The following PLCE1 variants were observed in gnomAD, a reference collection of about 807,000 sequenced individuals.
The protein encoded by PLCE1 is 1-phosphatidylinositol 4,5-bisphosphate phosphodiesterase epsilon-1.
Under a neutral mutation model 242.8 loss-of-function variants are expected in PLCE1, and 119 were observed. The ratio of observed to expected loss-of-function variants is 0.49; its 90% CI spans 0.42 to 0.57. PLCE1 has a LOEUF of 0.57. PLCE1 is among the 20% of genes least tolerant of loss of function. The pLI, the probability that PLCE1 is intolerant of heterozygous loss-of-function variation, is 0.00. For synonymous variants in PLCE1, 945 were observed against 1,017.4 expected (o/e 0.93, Z 1.35); for missense variants, 2,441 against 2,788.8 (o/e 0.88, Z 2.81).
At position 94,298,722 on chromosome 10, in the gene PLCE1, T is replaced by A; in HGVS notation, c.5458+53T>A. 1.3e-6 allele frequency: 2 copies of A among 1,599,048 alleles called. No homozygotes were observed. Among genetic ancestry groups the A allele is most frequent in the Non-Finnish European group, 1.7e-6 (2 of 1,166,792 alleles). On this transcript the variant is annotated intron_variant, in intron 24 of 32. Coordinates refer to ENST00000371380, the MANE Select transcript of PLCE1 (RefSeq NM_016341.4). The surrounding 1 kb of genome is among the most constrained non-coding windows in gnomAD (Gnocchi z 5.2). The stretch of plus-strand genomic sequence containing the variant: ...CCTTTGCATCTTACATTTCAGTAAA[T>A]GCAGTTTGACAGCATTTTTTCAAAG...
intron 3 of PLCE1, among the ~76,000 whole-genome samples, chr10:94,136,005 A>G (rs1485789383): frequency 6.6e-6 from 1 of 152,230 alleles, no homozygotes; most frequent in Admixed American, 6.5e-5. Context: ...GGAAGGAGGT[A>G]GCACAAGATT....
chr10:94,197,929 G>C (rs571889039), intron 4 of PLCE1, among the ~76,000 whole-genome samples: 141 of 128,926 alleles, frequency 1.1e-3, no homozygotes, highest in Non-Finnish European at 1.8e-3. Context: ...GTTGCAGTGA[G>C]CCAAGATTGC....
intron 5 of PLCE1, among the ~76,000 whole-genome samples, chr10:94,232,109 C>A (rs551213783): frequency 6.6e-6 from 1 of 152,268 alleles, no homozygotes; most frequent in South Asian, 2.1e-4. Context: ...CAGTGGTGGT[C>A]CTGTCTGGTG....
Position 94,031,650 on chromosome 10 carries a change from T to C in PLCE1, c.604T>C (p.Cys202Arg). ...TGACAGAAGAATGTCAGACACTTTC[T>C]GTACCCTATCAGAAAACTTAATTTT... ...EVDRRMSDTF[C>R]TLSENLILDD... Residue 202 changes from cysteine (C) to arginine (R), a missense_variant, in exon 2 of 33, where the codon TGT becomes CGT. Coordinates refer to ENST00000371380, the MANE Select transcript of PLCE1 (RefSeq NM_016341.4). 1 of 1,613,910 alleles carries C rather than the reference T, an allele frequency of 6.2e-7. No homozygotes were observed. Among genetic ancestry groups the C allele is most frequent in the African/African-American group, 1.3e-5 (1 of 75,056 alleles).
chr10:94,221,749 G>A (rs1446572287), intron 4 of PLCE1, among the ~76,000 whole-genome samples: 1 of 152,026 alleles, frequency 6.6e-6, no homozygotes, highest in East Asian at 1.9e-4. Flanking sequence ...AAAAGAAGAA[G>A]AAGAAGAAGA....
chr10:94,076,373 A>G (rs2044501580), intron 2 of PLCE1, among the ~76,000 whole-genome samples: 1 of 152,198 alleles, frequency 6.6e-6, no homozygotes, highest in Non-Finnish European at 1.5e-5. Flanking sequence ...TTTTGAATCT[A>G]GTTACACTTA....
intron 2 of PLCE1, among the ~76,000 whole-genome samples, chr10:94,089,742 G>A (rs779085247): frequency 2.6e-5 from 4 of 152,150 alleles, no homozygotes; most frequent in East Asian, 1.9e-4. Context: ...TGATGAAAAC[G>A]TCTCACTTAT....
chr10:94,271,184 C>T (rs1385665494), intron 18 of PLCE1, among the ~76,000 whole-genome samples: 1 of 152,000 alleles, frequency 6.6e-6, no homozygotes, highest in African/African-American at 2.4e-5. Flanking sequence ...TTAGGATAGA[C>T]CAACTCTCCA....
chr10:94,278,481 A>G (rs2052047743), intron 19 of PLCE1, among the ~76,000 whole-genome samples: 1 of 152,220 alleles, frequency 6.6e-6, no homozygotes, highest in Non-Finnish European at 1.5e-5. Context: ...ATATTTTCAA[A>G]AATGTTAATT....
chr10:94,080,672 C>T (rs752445742), intron 2 of PLCE1, among the ~76,000 whole-genome samples: 1 of 152,242 alleles, frequency 6.6e-6, no homozygotes, highest in Non-Finnish European at 1.5e-5. Context: ...AGCCTTTACA[C>T]TGTTTCCATT....
chr10:94,090,662 G>T (rs1227524786), intron 2 of PLCE1, among the ~76,000 whole-genome samples: 2 of 152,226 alleles, frequency 1.3e-5, no homozygotes, highest in African/African-American at 4.8e-5. Flanking sequence ...GTAGGGGACT[G>T]TGACTCTCCA....
At chr10:94,101,127 G>A (rs756114728) in intron 2 of PLCE1, among the ~76,000 whole-genome samples, 3 of 152,172 alleles carry the variant, frequency 2.0e-5, no homozygotes, top group Admixed American at 6.5e-5. Flanking sequence ...CCGAGGCAGC[G>A]TGAGGCTTAT....
rs1381588009 is a variant in PLCE1 at position 94,313,608 on chromosome 10, C to G, written c.6132+226C>G. On this transcript the variant is annotated intron_variant, in intron 28 of 32. Coordinates refer to ENST00000371380, the MANE Select transcript of PLCE1 (RefSeq NM_016341.4). ...TACCACTAGACAAACTACCTTCAAC[C>G]TGTAGAGAAGATTTTTAATGATTCT... is the stretch of plus-strand genomic sequence containing the variant. 3.3e-5 allele frequency among the ~76,000 whole-genome samples: 5 copies of G among 152,168 alleles called. No individual in the cohort carries two copies. In the East Asian group the frequency reaches 9.6e-4, roughly 29 times the overall value.
intron 4 of PLCE1, among the ~76,000 whole-genome samples, chr10:94,201,447 T>C (rs766714275): frequency 7.9e-5 from 12 of 152,190 alleles, no homozygotes; most frequent in Non-Finnish European, 1.5e-4. Context: ...CTAAAAAATA[T>C]TCTCTGAGGA....
chr10:94,135,277 TA>T (rs894268439), intron 3 of PLCE1, among the ~76,000 whole-genome samples: 8 of 151,182 alleles, frequency 5.3e-5, no homozygotes, highest in South Asian at 4.2e-4. Context: ...AAAATTAAGT[TA>T]AAAAAAAAGA....
At chr10:94,319,862 C>CT (rs1564894048) in intron 29 of PLCE1, among the ~76,000 whole-genome samples, 1 of 86,196 alleles carries the variant, frequency 1.2e-5, no homozygotes, top group Non-Finnish European at 2.6e-5. Flanking sequence ...CTCAAAGGTG[C>CT]TCTTTTTTTT....
chr10:94,270,692 C>CTCTGTCTCAAAA, intron 18 of PLCE1, 90 bp downstream of exon 18: 1 of 857,188 alleles, frequency 1.2e-6, no homozygotes, highest in South Asian at 1.3e-5. Context: ...TTTTTTGAGA[C>CTCTGTCTCAAAA]AGAGTCTCGC....
At chr10:94,163,228 A>G (rs903856247) in intron 3 of PLCE1, among the ~76,000 whole-genome samples, 2 of 152,224 alleles carry the variant, frequency 1.3e-5, no homozygotes, top group Middle Eastern at 6.8e-3. Flanking sequence ...CTTCTGTCTC[A>G]TCGATCTGTC....
intron 3 of PLCE1, among the ~76,000 whole-genome samples, chr10:94,169,853 G>T (rs553718515): frequency 6.6e-6 from 1 of 152,344 alleles, no homozygotes; most frequent in South Asian, 2.1e-4. Context: ...ACATGCCTGT[G>T]ATGGAAAGTC....
Sources: gnomAD v4.1 joint callset for allele counts (sites outside exome capture counted in the v4.1 genomes callset) on GRCh38, gnomAD v4.1.1 for gene constraint, Gnocchi (gnomAD v3.1) non-coding constraint, MANE v1.5 for transcripts, NCBI Gene and HGNC (gene_info 2026-07-23, HGNC 2026-07-21) for gene names.